ADCY1: variants seen among roughly 807,000 people sequenced by gnomAD.
The protein encoded by ADCY1 is adenylate cyclase 1.
Under a neutral mutation model 105.4 loss-of-function variants are expected in ADCY1, and 28 were observed. That is an observed-to-expected ratio of 0.27 (90% CI 0.20 to 0.36). ADCY1 has a LOEUF of 0.36. Among genes scored for constraint, ADCY1 ranks in the 10% least tolerant of loss-of-function variants. The pLI, the probability that ADCY1 is intolerant of heterozygous loss-of-function variation, is 1.00. For missense variants in ADCY1, 977 were observed against 1,434.2 expected, an observed-to-expected ratio of 0.68 and a Z score of 5.15; for synonymous variants, 655 against 623.8, an observed-to-expected ratio of 1.05 and a Z score of -0.75.
intron 8 of ADCY1, among the ~76,000 whole-genome samples, chr7:45,673,991 A>T: frequency 1.0e-4 from 2 of 19,698 alleles, no homozygotes. Flanking sequence ...ATATATATAT[A>T]TATATATATA....
intron 4 of ADCY1, among the ~76,000 whole-genome samples, chr7:45,634,804 G>A (rs1224113423): frequency 6.6e-6 from 1 of 152,160 alleles, no homozygotes; most frequent in Non-Finnish European, 1.5e-5. Flanking sequence ...CCCATCAGAA[G>A]TTGAGGAGGA....
Position 45,574,818 on chromosome 7 carries a change from A to G in ADCY1, c.275A>G (p.Lys92Arg), listed in dbSNP as rs745641221. Residue 92 changes from lysine (K) to arginine (R), a missense_variant, in exon 1 of 20, where the codon AAG becomes AGG. Transcript: ENST00000297323. The surrounding 1 kb of genome is among the most constrained non-coding windows in gnomAD (Gnocchi z 7.0). The part of the protein sequence containing the change: ...GAPGPAPGLA[K>R]GSHPVHCVLF... ...CCGGGGCCCGCGCCCGGCCTGGCCA[A>G]GGGCTCACACCCGGTGCACTGCGTC... The G allele has an allele frequency of 2.5e-6, 4 of 1,607,022 alleles. No homozygotes were observed. The highest frequency in any genetic ancestry group is 1.9e-4 in the Middle Eastern group (1 of 5,200).
At chr7:45,683,732 G>C (rs547815728) in intron 11 of ADCY1, among the ~76,000 whole-genome samples, 125 of 152,332 alleles carry the variant, frequency 8.2e-4, no homozygotes, top group African/African-American at 2.9e-3. Context: ...CCCAGTTCAT[G>C]ATGGGCAGCT....
chr7:45,615,538 G>T (rs530959759), intron 3 of ADCY1, among the ~76,000 whole-genome samples: 2 of 152,286 alleles, frequency 1.3e-5, no homozygotes. Context: ...GGTTGAGGCT[G>T]CAGTGAGCTA....
intron 5 of ADCY1, among the ~76,000 whole-genome samples, chr7:45,653,693 C>G (rs905275072): frequency 6.6e-6 from 1 of 152,226 alleles, no homozygotes; most frequent in Non-Finnish European, 1.5e-5. Flanking sequence ...CTCTCCCCCA[C>G]TGGGGCTTTG....
intron 4 of ADCY1, among the ~76,000 whole-genome samples, chr7:45,630,894 G>A (rs1403636908): frequency 6.6e-6 from 1 of 152,032 alleles, no homozygotes; most frequent in East Asian, 1.9e-4. Flanking sequence ...TATCTCTGGG[G>A]GTCTCGGGAG....
At chr7:45,677,423 A>G (rs2116182237) in intron 8 of ADCY1, among the ~76,000 whole-genome samples, 1 of 152,274 alleles carries the variant, frequency 6.6e-6, no homozygotes, top group Admixed American at 6.5e-5. Flanking sequence ...CTCTGTTCCC[A>G]TCAGCCCTGG....
rs117126981 is a variant in ADCY1 at position 45,603,929 on chromosome 7, A to G, written c.790-6450A>G. 8.0e-3 allele frequency among the ~76,000 whole-genome samples: 1,219 copies of G among 152,288 alleles called. 68 individuals carry two copies. In the East Asian group the frequency reaches 0.13, roughly 16 times the overall value. ...AAGTGGCATTCTATGGTGTGGCTGT[A>G]TCACAGTTTGTTTAATTGTTGGCCC... On this transcript the variant is annotated intron_variant, in intron 2 of 19. Transcript: ENST00000297323.
At chr7:45,675,297 C>T (rs998680310) in intron 8 of ADCY1, among the ~76,000 whole-genome samples, 1 of 152,054 alleles carries the variant, frequency 6.6e-6, no homozygotes, top group Admixed American at 6.5e-5. Flanking sequence ...AGAAACTTTA[C>T]CTCTTTTTCA....
intron 19 of ADCY1, among the ~76,000 whole-genome samples, chr7:45,711,482 C>A (rs570988074): frequency 9.2e-5 from 14 of 151,822 alleles, no homozygotes; most frequent in African/African-American, 1.9e-4. Context: ...TTTAAAATTT[C>A]TTTTATCACA....
intron 4 of ADCY1, among the ~76,000 whole-genome samples, chr7:45,632,766 C>T (rs998661148): frequency 6.6e-6 from 1 of 151,838 alleles, no homozygotes; most frequent in Non-Finnish European, 1.5e-5. Context: ...GACAGGGTCT[C>T]ACCATGTTGC....
intron 8 of ADCY1, among the ~76,000 whole-genome samples, chr7:45,668,818 T>G (rs576284517): frequency 7.9e-5 from 12 of 152,248 alleles, no homozygotes; most frequent in Admixed American, 3.3e-4. Context: ...GCCTGTTATT[T>G]GTCTATTCAG....
At position 45,678,082 on chromosome 7, in the gene ADCY1, C is replaced by T. The variant is rs375578539; in HGVS notation, c.1800+19C>T. On this transcript the variant is annotated intron_variant, in intron 9 of 19. Transcript: ENST00000297323. Reference sequence around the variant, plus strand: ...GCAAAAGGTAAGCAACTCTGGTTTTCGGCTTCCCTGGTGCTGCTTGCGAAG... The same window carrying T: ...GCAAAAGGTAAGCAACTCTGGTTTTTGGCTTCCCTGGTGCTGCTTGCGAAG... 6.8e-5 allele frequency: 109 copies of T among 1,613,674 alleles called. No homozygotes were observed. Among genetic ancestry groups the T allele is most frequent in the Non-Finnish European group, 8.3e-5 (98 of 1,179,840 alleles).
chr7:45,627,814 TC>T (rs1171080787), intron 4 of ADCY1, among the ~76,000 whole-genome samples: 2 of 152,074 alleles, frequency 1.3e-5, no homozygotes, highest in Non-Finnish European at 2.9e-5. Flanking sequence ...CTTCTTACCC[TC>T]CCCATAGCTG....
chr7:45,686,622 T>C lies in ADCY1; in HGVS notation c.2403T>C (p.His801=). Residue 801 remains histidine (H), a synonymous_variant, in exon 14 of 20, where the codon CAT becomes CAC. Transcript: ENST00000297323. The surrounding 1 kb of genome is among the most constrained non-coding windows in gnomAD (Gnocchi z 4.3). The part of the protein sequence containing the change: ...ILLFSCALAL[H]ARQVDIRLRL... ...TCTTCTCCTGTGCGCTGGCCCTGCA[T>C]GCCAGGCAGGTGGACATCAGGCTGA... The C allele has an allele frequency of 2.5e-6, 4 of 1,613,500 alleles. No homozygotes were observed. Among genetic ancestry groups the C allele is most frequent in the Non-Finnish European group, 3.4e-6 (4 of 1,179,528 alleles).
chr7:45,660,635 AC>A (rs949587873), intron 7 of ADCY1, among the ~76,000 whole-genome samples: 2 of 152,238 alleles, frequency 1.3e-5, no homozygotes, highest in African/African-American at 4.8e-5. Context: ...TGATCAAGTC[AC>A]TTTCAGGGTC....
intron 2 of ADCY1, among the ~76,000 whole-genome samples, chr7:45,593,637 T>C (rs1792989827): frequency 6.6e-6 from 1 of 152,206 alleles, no homozygotes; most frequent in African/African-American, 2.4e-5. Flanking sequence ...ACTGGAAGGA[T>C]CTAGATTCTT....
At chr7:45,583,727 G>A (rs1052665519) in intron 1 of ADCY1, among the ~76,000 whole-genome samples, 6 of 151,674 alleles carry the variant, frequency 4.0e-5, no homozygotes, top group African/African-American at 4.8e-5. Flanking sequence ...CACAACCTCC[G>A]AGTCCCAGGT....
At chr7:45,593,046 C>A in intron 2 of ADCY1, 138 bp downstream of exon 2, 1 of 1,274,100 alleles carries the variant, frequency 7.8e-7, no homozygotes, top group Non-Finnish European at 1.1e-6. Context: ...GTATTTGAGG[C>A]TGTGGAGGAG....
Sources: gnomAD v4.1 joint callset for allele counts (sites outside exome capture counted in the v4.1 genomes callset) on GRCh38, gnomAD v4.1.1 for gene constraint, Gnocchi (gnomAD v3.1) non-coding constraint, MANE v1.5 for transcripts, NCBI Gene and HGNC (gene_info 2026-07-23, HGNC 2026-07-21) for gene names.